The following TCF4 variants were observed in gnomAD, a reference collection of about 807,000 sequenced individuals.
TCF4 encodes the protein transcription factor 4.
TCF4 carries 3 observed loss-of-function variants against 82.1 expected under a neutral mutation model. The ratio of observed to expected loss-of-function variants is 0.04; its 90% CI spans 0.02 to 0.09. The LOEUF is 0.09. TCF4 is among the 10% of genes least tolerant of loss of function. The probability of loss-of-function intolerance (pLI) is 1.00; values close to 1 mark genes in which losing one functional copy is unlikely to be tolerated. For missense variants in TCF4, 518 were observed against 852.7 expected (o/e 0.61, Z 4.89); for synonymous variants, 276 against 309.6 (o/e 0.89, Z 1.14).
chr18:55,227,891 C>T lies in TCF4; in HGVS notation c.*144G>A, dbSNP rs1013678917. The T allele has an allele frequency of 2.9e-5, 7 of 243,588 alleles. No individual in the cohort carries two copies. The highest frequency in any genetic ancestry group is 1.1e-4 in the East Asian group (1 of 9,506). 15.1% of individuals were successfully genotyped at this position (243,588 alleles called of 1,614,324 possible). On this transcript the variant is annotated 3_prime_UTR_variant, in exon 20 of 20. Transcript: ENST00000354452. ...TAATTGGGAATGCTGAAACCTCTTG[C>T]GTCTGCGATTCATAACTACTCAGAC...
At chr18:55,339,782 C>T (rs1296794868) in intron 8 of TCF4, among the ~76,000 whole-genome samples, 1 of 152,048 alleles carries the variant, frequency 6.6e-6, no homozygotes, top group East Asian at 1.9e-4. Flanking sequence ...TTCTCATAGC[C>T]GATGATCAAA....
chr18:55,350,782 G>A (rs893112191), intron 7 of TCF4, 92 bp downstream of exon 7: 5 of 1,576,388 alleles, frequency 3.2e-6, no homozygotes, highest in South Asian at 1.1e-5. Flanking sequence ...TGGGGTGGGA[G>A]GTAGGATGGG....
intron 6 of TCF4, among the ~76,000 whole-genome samples, chr18:55,377,422 G>T (rs555924525): frequency 6.6e-6 from 1 of 152,132 alleles, no homozygotes; most frequent in East Asian, 1.9e-4. Context: ...TAATGGACAC[G>T]TTTTTCTTGG....
intron 5 of TCF4, among the ~76,000 whole-genome samples, chr18:55,422,877 A>G (rs746815785): frequency 1.3e-5 from 2 of 152,136 alleles, no homozygotes; most frequent in Non-Finnish European, 2.9e-5. Context: ...GCAGCTGTCG[A>G]AGCTCTCCGA....
intron 10 of TCF4, among the ~76,000 whole-genome samples, chr18:55,270,465 C>G (rs1199133018): frequency 6.6e-6 from 1 of 151,936 alleles, no homozygotes; most frequent in East Asian, 1.9e-4. Context: ...TTTTTTGAAC[C>G]CCAGCAACAA....
upstream of TCF4, among the ~76,000 whole-genome samples, chr18:55,591,915 C>T (rs13381608): frequency 0.22 from 33,954 of 152,102 alleles, 4,202 homozygotes; most frequent in African/African-American, 0.32. Flanking sequence ...AGTCTCGTTG[C>T]TTCTTCGTTT....
chr18:55,365,657 T>C (rs777552651), intron 6 of TCF4, among the ~76,000 whole-genome samples: 3 of 152,128 alleles, frequency 2.0e-5, no homozygotes, highest in African/African-American at 4.8e-5. Context: ...CCCAGCACTT[T>C]GGGAGGCCAA....
At chr18:55,402,914 G>A (rs1051542965) in intron 6 of TCF4, among the ~76,000 whole-genome samples, 1 of 152,114 alleles carries the variant, frequency 6.6e-6, no homozygotes, top group Non-Finnish European at 1.5e-5. Context: ...CGGCTTTGCT[G>A]TTAGCCTGCT....
intron 14 of TCF4, 116 bp from the exon 15 acceptor site, chr18:55,254,816 TA>T: frequency 1.1e-6 from 1 of 926,178 alleles, no homozygotes; most frequent in Non-Finnish European, 1.7e-6. Flanking sequence ...ATGTTTCCAA[TA>T]AAATGTATTT....
intron 6 of TCF4, among the ~76,000 whole-genome samples, chr18:55,353,149 A>G (rs773204769): frequency 8.5e-5 from 13 of 152,196 alleles, no homozygotes; most frequent in Non-Finnish European, 1.3e-4. Flanking sequence ...TTCACTCTCA[A>G]GAAATTAAAT....
chr18:55,428,671 G>A (rs928508325), intron 5 of TCF4, among the ~76,000 whole-genome samples: 4 of 152,100 alleles, frequency 2.6e-5, no homozygotes, highest in Non-Finnish European at 5.9e-5. Context: ...TCATTACTAT[G>A]CTCTATCATT....
At chr18:55,578,426 C>T (rs1425420967) in intron 3 of TCF4, among the ~76,000 whole-genome samples, 3 of 151,980 alleles carry the variant, frequency 2.0e-5, no homozygotes, top group Non-Finnish European at 2.9e-5. Flanking sequence ...TTAACCCTCC[C>T]GAACCTTGGC....
rs537676544 is a variant in TCF4 at position 55,600,051 on chromosome 18, G to GT, written c.287-12916dup. Among the ~76,000 whole-genome samples, 921 of 150,956 alleles carry GT rather than the reference G, an allele frequency of 6.1e-3. 8 individuals carry two copies. Among genetic ancestry groups the GT allele is most frequent in the South Asian group, 0.017 (80 of 4,782 alleles). Reference sequence around the variant, plus strand: ...ATGTGGTTGCCTGTAGGAGAAGGCTGTTTTTTTTTATTGCTGTGTAATACT... The same window carrying GT: ...ATGTGGTTGCCTGTAGGAGAAGGCTGTTTTTTTTTTATTGCTGTGTAATACT... On this transcript the variant is annotated intron_variant, in intron 2 of 20. Coordinates refer to the TCF4 transcript ENST00000398339.
At chr18:55,346,875 T>C (rs541217689) in intron 8 of TCF4, among the ~76,000 whole-genome samples, 1 of 152,296 alleles carries the variant, frequency 6.6e-6, no homozygotes, top group Admixed American at 6.5e-5. Flanking sequence ...TTTGCTACTT[T>C]CTAGATTTTA....
intron 4 of TCF4, 123 bp from the exon 5 acceptor site, chr18:55,461,238 G>T: frequency 4.0e-6 from 3 of 751,574 alleles, no homozygotes; most frequent in Non-Finnish European, 6.7e-6. Flanking sequence ...TCCCTCCCTG[G>T]AACTTCACTA....
intron 6 of TCF4, among the ~76,000 whole-genome samples, chr18:55,368,508 T>TA (rs959562880): frequency 9.2e-5 from 14 of 151,954 alleles, no homozygotes; most frequent in Middle Eastern, 6.8e-3. Flanking sequence ...TTGGTCTTCT[T>TA]AAAAAAAACA....
At chr18:55,258,049 C>T (rs554103732) in intron 13 of TCF4, among the ~76,000 whole-genome samples, 2 of 152,182 alleles carry the variant, frequency 1.3e-5, no homozygotes, top group South Asian at 2.1e-4. Context: ...TAAAATAATA[C>T]ACATTCAGTG....
At chr18:55,510,817 G>A in intron 3 of TCF4, 2 of 1,127,730 alleles carry the variant, frequency 1.8e-6, no homozygotes, top group Non-Finnish European at 1.1e-6. Context: ...CAGTAGAAGG[G>A]GAAATGATAC....
At chr18:55,353,280 T>C (rs1018942404) in intron 6 of TCF4, among the ~76,000 whole-genome samples, 3 of 152,182 alleles carry the variant, frequency 2.0e-5, no homozygotes, top group African/African-American at 4.8e-5. Context: ...GTTGACCTTA[T>C]TGTTGTTAAC....
Sources: gnomAD v4.1 joint callset for allele counts (sites outside exome capture counted in the v4.1 genomes callset) on GRCh38, gnomAD v4.1.1 for gene constraint, MANE v1.5 for transcripts, NCBI Gene and HGNC (gene_info 2026-07-23, HGNC 2026-07-21) for gene names.